The following MAP1A variants were observed in gnomAD, a reference collection of about 807,000 sequenced individuals.
MAP1A encodes the protein microtubule-associated protein 1A.
MAP1A carries 42 observed loss-of-function variants against 185.9 expected under a neutral mutation model. The ratio of observed to expected loss-of-function variants is 0.23; its 90% CI spans 0.18 to 0.29. MAP1A has a LOEUF of 0.29. Ranked by LOEUF, MAP1A falls within the 10% of genes least tolerant of loss-of-function variation. The probability of loss-of-function intolerance (pLI) is 1.00; values close to 1 mark genes in which losing one functional copy is unlikely to be tolerated. For missense variants in MAP1A, 2,995 were observed against 3,450.4 expected, an observed-to-expected ratio of 0.87 and a Z score of 3.31; for synonymous variants, 1,229 against 1,335.9, an observed-to-expected ratio of 0.92 and a Z score of 1.74.
upstream of MAP1A, among the ~76,000 whole-genome samples, chr15:43,516,495 A>G (rs931125210): frequency 1.3e-5 from 2 of 152,116 alleles, no homozygotes; most frequent in Non-Finnish European, 2.9e-5. Context: ...GAGCTGGCCA[A>G]ACTGGGGAGG....
Position 43,525,158 on chromosome 15 carries a change from G to A in MAP1A, c.3685G>A (p.Glu1229Lys). 6.2e-7 allele frequency: 1 copy of A among 1,614,186 alleles called. No homozygotes were observed. Among genetic ancestry groups the A allele is most frequent in the Non-Finnish European group, 8.5e-7 (1 of 1,180,034 alleles). The change falls in exon 4 of 6, where the codon GAA (glutamate) becomes AAA (lysine). Residue 1229 changes from glutamate (E) to lysine (K), a missense_variant. Glu to Lys is a moderately conservative substitution (Grantham distance 56, BLOSUM62 1). Transcript: ENST00000300231. ...AAGCCTTGGCACCCTCCAGTTTGGG[G>A]AACTAAACCTTGGGAAGGAAGAAAT... is the stretch of plus-strand genomic sequence containing the variant. ...PESLGTLQFG[E>K]LNLGKEEMGH...
chr15:43,512,583 T>C (rs574960725), intron 2 of MAP1A, among the ~76,000 whole-genome samples: 15 of 152,320 alleles, frequency 9.8e-5, no homozygotes, highest in African/African-American at 3.4e-4. Context: ...TAGTGATCAA[T>C]CATCTCTCAC....
Position 43,523,610 on chromosome 15 carries a change from AAGG to A in MAP1A, c.2140_2142del (p.Glu714del). On this transcript the variant is annotated inframe_deletion, in exon 4 of 6. Transcript: ENST00000300231. ...GGGACTCCAGGGCAAGGCCCCTGAG[AAGG>A]AGACCTCGTTATTCCTAAGCAGCCT... 2 of 1,614,148 alleles carry A rather than the reference AAGG, an allele frequency of 1.2e-6. No homozygotes were observed. The highest frequency in any genetic ancestry group is 1.6e-4 in the Middle Eastern group (1 of 6,062).
rs1331757303 is a variant in MAP1A at position 43,527,270 on chromosome 15, A to G, written c.5797A>G (p.Lys1933Glu). Residue 1933 changes from lysine (K) to glutamate (E), a missense_variant, in exon 4 of 6, where the codon AAG (lysine) becomes GAG (glutamate). By Grantham distance (56) the Lys-to-Glu change is moderately conservative. Coordinates refer to ENST00000300231, the MANE Select transcript of MAP1A (RefSeq NM_002373.6). ...EAPDKSSHSS[K>E]VPEASKSHAT... ...TCCTGACAAAAGCTCACACAGCTCA[A>G]AGGTACCAGAGGCCAGCAAAAGCCA... 1 of 1,614,116 alleles carries G rather than the reference A, an allele frequency of 6.2e-7. No homozygotes were observed. Among genetic ancestry groups the G allele is most frequent in the South Asian group, 1.1e-5 (1 of 91,074 alleles).
exon 1 of MAP1A, chr15:43,510,979 G>T (rs1457968481): frequency 1.3e-6 from 2 of 1,529,230 alleles, no homozygotes; most frequent in Non-Finnish European, 1.8e-6. Flanking sequence ...AACACTCCGC[G>T]GGTGTTTCCA....
chr15:43,523,020 C>T lies in MAP1A; in HGVS notation c.1547C>T (p.Thr516Ile), dbSNP rs772704163. The T allele has an allele frequency of 6.2e-7, 1 of 1,614,212 alleles. No individual in the cohort carries two copies. The highest frequency in any genetic ancestry group is 8.5e-7 in the Non-Finnish European group (1 of 1,180,038). The part of the protein sequence containing the change: ...PAQKGTVPLP[T>I]ISGHRELVLS... ...CAGAAGGGAACTGTACCACTCCCAA[C>T]CATCAGTGGGCACAGGGAGCTGGTC... Residue 516 changes from threonine to isoleucine, a missense_variant, in exon 4 of 6, where the codon ACC becomes ATC. Thr to Ile is a moderately conservative substitution (Grantham distance 89). This residue lies in a region of MAP1A where 2,728 missense variants were observed against 2,986.0 expected (regional missense o/e 0.91). Coordinates refer to ENST00000300231, the MANE Select transcript of MAP1A (RefSeq NM_002373.6).
At position 43,522,024 on chromosome 15, in the gene MAP1A, T is replaced by C. The variant is rs765924061; in HGVS notation, c.551T>C (p.Ile184Thr). Residue 184 changes from isoleucine to threonine, a missense_variant, in exon 4 of 6, where the codon ATT (isoleucine) becomes ACT (threonine). By Grantham distance (89) the Ile-to-Thr change is moderately conservative. Transcript: ENST00000300231. This position sits in a 1 kb window ranked among gnomAD's most constrained non-coding sequence, Gnocchi z 5.9. ...EPLYRVVSNTIEPLTLFHKMG... is the reference protein window; with the variant it reads ...EPLYRVVSNTTEPLTLFHKMG... ...CTATATCGTGTGGTCAGCAATACCA[T>C]TGAGCCACTGACCCTCTTCCACAAA... The C allele has an allele frequency of 1.2e-6, 2 of 1,614,174 alleles. No homozygotes were observed. The highest frequency in any genetic ancestry group is 1.7e-5 in the Admixed American group (1 of 60,024).
In MAP1A at chr15:43,521,029, A is replaced by G. The variant is rs1222590692; in HGVS notation, c.-234A>G. On this transcript the variant is annotated 5_prime_UTR_variant, in exon 3 of 6. Coordinates refer to ENST00000300231, the MANE Select transcript of MAP1A (RefSeq NM_002373.6). This position sits in a 1 kb window ranked among gnomAD's most constrained non-coding sequence, Gnocchi z 4.6. ...TAAACTACTAATCTTGAGTGGGCAAAGTTTAGAGCCTGGGGGAGACCTCAT... is the reference window on the plus strand; with the variant it reads ...TAAACTACTAATCTTGAGTGGGCAAGGTTTAGAGCCTGGGGGAGACCTCAT... 58 of 1,550,276 alleles carry G rather than the reference A, an allele frequency of 3.7e-5. No homozygotes were observed. Among genetic ancestry groups the G allele is most frequent in the Non-Finnish European group, 4.9e-5 (56 of 1,146,792 alleles).
Position 43,528,564 on chromosome 15 carries a change from A to C in MAP1A, c.7091A>C (p.Glu2364Ala). 6.2e-7 allele frequency: 1 copy of C among 1,613,746 alleles called. No individual in the cohort carries two copies. The highest frequency in any genetic ancestry group is 8.5e-7 in the Non-Finnish European group (1 of 1,179,978). Reference protein sequence around the residue: ...SEDCAANGPTETSPNPPGPAP... With the variant: ...SEDCAANGPTATSPNPPGPAP... The stretch of plus-strand genomic sequence containing the variant: ...GATTGTGCAGCCAATGGCCCAACTG[A>C]AACCAGCCCTAACCCCCCAGGCCCT... Residue 2364 changes from glutamate (E) to alanine (A), a missense_variant, in exon 4 of 6, where the codon GAA becomes GCA. By Grantham distance (107) the Glu-to-Ala change is moderately radical (BLOSUM62 -1). Around this residue, in one of 3 missense-constraint regions of MAP1A, gnomAD observed 2,728 missense variants for 2,986.0 expected, o/e 0.91. Coordinates refer to ENST00000300231, the MANE Select transcript of MAP1A (RefSeq NM_002373.6).
At position 43,524,314 on chromosome 15, in the gene MAP1A, C is replaced by T. The variant is rs760568518; in HGVS notation, c.2841C>T (p.Asn947=). The change falls in exon 4 of 6, where the codon AAC becomes AAT. Residue 947 remains asparagine (N), a synonymous_variant. Coordinates refer to ENST00000300231, the MANE Select transcript of MAP1A (RefSeq NM_002373.6). ...AAGAGGAAGAGGAGGAGACAGCAAACGTAGAGATGTCTGAGAAACTTTGCA... is the reference window on the plus strand; with the variant it reads ...AAGAGGAAGAGGAGGAGACAGCAAATGTAGAGATGTCTGAGAAACTTTGCA... ...AVEEEEEETA[N]VEMSEKLCSQ... is the part of the protein sequence containing the mutation. The T allele has an allele frequency of 3.2e-5, 52 of 1,614,086 alleles. No homozygotes were observed. Among genetic ancestry groups the T allele is most frequent in the South Asian group, 1.5e-4 (14 of 91,090 alleles).
rs757233647 is a variant in MAP1A at position 43,525,036 on chromosome 15, A to G, written c.3563A>G (p.Glu1188Gly). The G allele has an allele frequency of 3.7e-6, 6 of 1,614,072 alleles. No homozygotes were observed. The Admixed American group carries it at 8.3e-5, about 22-fold the overall frequency. Residue 1188 changes from glutamate to glycine, a missense_variant, in exon 4 of 6, where the codon GAG (glutamate) becomes GGG (glycine). By Grantham distance (98) the Glu-to-Gly change is moderately conservative (BLOSUM62 -2). Coordinates refer to ENST00000300231, the MANE Select transcript of MAP1A (RefSeq NM_002373.6). Reference protein sequence around the residue: ...EQYLHKDRWPEVSPEDTQSLS... With the variant: ...EQYLHKDRWPGVSPEDTQSLS... ...TACCTACACAAAGACCGTTGGCCAG[A>G]GGTATCTCCAGAAGACACCCAGTCA...
chr15:43,511,757 C>T (rs529691248), intron 1 of MAP1A, among the ~76,000 whole-genome samples: 1 of 152,308 alleles, frequency 6.6e-6, no homozygotes, highest in African/African-American at 2.4e-5. Context: ...GCGGAGCCAC[C>T]TGCGGGTGGA....
Position 43,523,906 on chromosome 15 carries a change from C to T in MAP1A, c.2433C>T (p.Tyr811=), listed in dbSNP as rs1441274883. ...GAACGCCAGAGACTGAACTCACCTA[C>T]CCCACTAACATAGTGGCTGCCCCTT... is the stretch of plus-strand genomic sequence containing the variant. ...VYGTPETELT[Y]PTNIVAAPLA... is the part of the protein sequence containing the mutation. The change falls in exon 4 of 6, where the codon TAC becomes TAT. Residue 811 remains tyrosine, a synonymous_variant. Transcript: ENST00000300231. 1.9e-6 allele frequency: 3 copies of T among 1,614,222 alleles called. No homozygotes were observed. In the South Asian group the frequency reaches 3.3e-5, roughly 18 times the overall value.
chr15:43,529,550 C>A lies in MAP1A; in HGVS notation c.8035+42C>A. ...ACTTGGCAGAGAGTGTGGGTTAGGG[C>A]TGGGTGTGGGCTGGTCAGACTTCAG... On this transcript the variant is annotated intron_variant, in intron 4 of 5. Transcript: ENST00000300231. This position sits in a 1 kb window ranked among gnomAD's most constrained non-coding sequence, Gnocchi z 4.3. 1 of 1,601,438 alleles carries A rather than the reference C, an allele frequency of 6.2e-7. No individual in the cohort carries two copies.
At chr15:43,511,586 T>C (rs1009892606) in intron 1 of MAP1A, among the ~76,000 whole-genome samples, 3 of 152,222 alleles carry the variant, frequency 2.0e-5, no homozygotes, top group Non-Finnish European at 4.4e-5. Context: ...CTGTATCTTC[T>C]TTATGGTCCC....
Position 43,524,714 on chromosome 15 carries a change from G to A in MAP1A, c.3241G>A (p.Glu1081Lys). The change falls in exon 4 of 6, where the codon GAG becomes AAG. Residue 1081 changes from glutamate to lysine, a missense_variant. By Grantham distance (56) the Glu-to-Lys change is moderately conservative. This residue lies in a region of MAP1A where 2,728 missense variants were observed against 2,986.0 expected (regional missense o/e 0.91). Transcript: ENST00000300231. ...QAQEAPVNID[E>K]GLTGCTIQLL... ...CCAGGAAGCACCTGTCAACATTGAT[G>A]AGGGGCTTACAGGCTGTACCATTCA... 1 of 1,614,114 alleles carries A rather than the reference G, an allele frequency of 6.2e-7. No individual in the cohort carries two copies. The highest frequency in any genetic ancestry group is 8.5e-7 in the Non-Finnish European group (1 of 1,179,998).
At position 43,522,368 on chromosome 15, in the gene MAP1A, C is replaced by A. The variant is rs1356149213; in HGVS notation, c.895C>A (p.Leu299Met). ...LRYPVATQKDLASGAVPTNLK... is the reference protein window; with the variant it reads ...LRYPVATQKDMASGAVPTNLK... ...TTACCCTGTGGCCACGCAGAAGGACCTGGCTTCTGGGGCTGTGCCTACCAA... is the reference window on the plus strand; with the variant it reads ...TTACCCTGTGGCCACGCAGAAGGACATGGCTTCTGGGGCTGTGCCTACCAA... The change falls in exon 4 of 6, where the codon CTG (leucine) becomes ATG (methionine). Residue 299 changes from leucine (L) to methionine (M), a missense_variant. Leu to Met is a conservative substitution (Grantham distance 15). Around this residue, in one of 3 missense-constraint regions of MAP1A, gnomAD observed 264 missense variants for 435.3 expected, o/e 0.61. Transcript: ENST00000300231. This position sits in a 1 kb window ranked among gnomAD's most constrained non-coding sequence, Gnocchi z 5.9. 5 of 1,614,164 alleles carry A rather than the reference C, an allele frequency of 3.1e-6. No homozygotes were observed. In the African/African-American group the frequency reaches 4.0e-5, roughly 13 times the overall value.
At chr15:43,513,119 G>A (rs1479500141), upstream of MAP1A, among the ~76,000 whole-genome samples, 3 of 151,974 alleles carry the variant, frequency 2.0e-5, no homozygotes, top group Middle Eastern at 3.2e-3. Context: ...ACCTGAGGTC[G>A]GGAGTTCGAG....
At chr15:43,517,942 G>T (rs2140202698) in intron 1 of MAP1A, among the ~76,000 whole-genome samples, 1 of 152,322 alleles carries the variant, frequency 6.6e-6, no homozygotes, top group Non-Finnish European at 1.5e-5. Context: ...GCGGGGATGG[G>T]AGAAATCAGC....
Sources: allele counts gnomAD v4.1 joint callset (sites outside exome capture counted in the v4.1 genomes callset), GRCh38; gene constraint gnomAD v4.1.1; regional missense constraint gnomAD v4.1.1; non-coding constraint Gnocchi (gnomAD v3.1); transcripts MANE v1.5; gene names NCBI Gene and HGNC (gene_info 2026-07-23, HGNC 2026-07-21).